The following DPH6 variants were observed in gnomAD, a reference collection of about 807,000 sequenced individuals.
The protein encoded by DPH6 is diphthine--ammonia ligase.
A neutral mutation model predicts 38.2 loss-of-function variants in DPH6; 33 were observed. The ratio of observed to expected loss-of-function variants is 0.86; its 90% CI spans 0.65 to 1.15. The LOEUF (loss-of-function observed/expected upper bound fraction) is 1.15, where lower values mean the gene tolerates loss of function less well. Ranked by LOEUF, DPH6 falls within the 50% of genes most tolerant of loss-of-function variation. DPH6 has a pLI of 0.00. For synonymous variants in DPH6, 108 were observed against 103.0 expected (o/e 1.05, Z -0.30); for missense variants, 325 against 320.0 (o/e 1.02, Z -0.12).
Position 35,355,265 on chromosome 15 carries a change from G to C in DPH6, n.207+18256C>G, listed in dbSNP as rs950644096. On this transcript the variant is annotated intron_variant and non_coding_transcript_variant, in intron 3 of 3. Transcript: ENST00000558973. ...ATTTGCCAGTCTGTGTCTTCTAATT[G>C]GAGCATTTAGCCCATTTACATTTAA... Among the ~76,000 whole-genome samples the C allele has an allele frequency of 2.0e-5, 3 of 148,834 alleles. No individual in the cohort carries two copies. In the Admixed American group the frequency reaches 2.0e-4, roughly 10 times the overall value.
chr15:35,171,388 A>G, the DPH6 span, among the ~76,000 whole-genome samples: 1 of 152,234 alleles, frequency 6.6e-6, no homozygotes, highest in African/African-American at 2.4e-5. Flanking sequence ...GTATTCCAGA[A>G]ACATTATTAG....
intron 2 of DPH6, among the ~76,000 whole-genome samples, chr15:35,542,033 C>A (rs1287352239): frequency 6.6e-6 from 1 of 152,006 alleles, no homozygotes; most frequent in African/African-American, 2.4e-5. Flanking sequence ...CTCCTTGAGG[C>A]CTGAGACTGT....
At chr15:35,231,552 C>A (rs550996453) in intron 3 of DPH6, among the ~76,000 whole-genome samples, 3 of 152,174 alleles carry the variant, frequency 2.0e-5, no homozygotes, top group African/African-American at 7.2e-5. Context: ...GTCCTTGTTG[C>A]GGGTGGACAA....
chr15:35,501,224 TTAGA>T (rs2054623228), intron 3 of DPH6, among the ~76,000 whole-genome samples: 1 of 152,194 alleles, frequency 6.6e-6, no homozygotes. Flanking sequence ...CAGAAAAACA[TTAGA>T]GACTTACTTT....
intron 3 of DPH6, among the ~76,000 whole-genome samples, chr15:35,510,676 T>TA (rs2054757500): frequency 6.6e-6 from 1 of 152,010 alleles, no homozygotes; most frequent in Non-Finnish European, 1.5e-5. Context: ...CAGCAGAAAA[T>TA]TTTTTCAACC....
chr15:35,326,622 G>A (rs1164849332), downstream of DPH6, among the ~76,000 whole-genome samples: 1 of 152,022 alleles, frequency 6.6e-6, no homozygotes, highest in African/African-American at 2.4e-5. Flanking sequence ...TTTTTGTAGA[G>A]ATAGGGTCTT....
intron 3 of DPH6, 92 bp from the exon 4 acceptor site, chr15:35,454,912 T>C: frequency 2.2e-6 from 2 of 909,072 alleles, no homozygotes; most frequent in South Asian, 1.7e-5. Context: ...CTGTGTCTCA[T>C]CTAGAAAACT....
chr15:35,246,829 T>C (rs2051640760), intron 3 of DPH6, among the ~76,000 whole-genome samples: 1 of 152,212 alleles, frequency 6.6e-6, no homozygotes, highest in African/African-American at 2.4e-5. Flanking sequence ...TTTGGCCTGG[T>C]CCATACTTTA....
At chr15:35,301,767 G>A (rs1403530631) in intron 3 of DPH6, among the ~76,000 whole-genome samples, 3 of 152,170 alleles carry the variant, frequency 2.0e-5, no homozygotes, top group Non-Finnish European at 1.5e-5. Context: ...GAGGTCAGGA[G>A]TTTGAGACCG....
the DPH6 span, among the ~76,000 whole-genome samples, chr15:35,179,163 G>A: frequency 1.6e-5 from 2 of 127,598 alleles, no homozygotes; most frequent in East Asian, 4.9e-4. Flanking sequence ...CCAAGATTGC[G>A]CCATTGCACC....
intron 3 of DPH6, among the ~76,000 whole-genome samples, chr15:35,230,120 T>C (rs1053287835): frequency 6.6e-6 from 1 of 152,210 alleles, no homozygotes; most frequent in African/African-American, 2.4e-5. Flanking sequence ...CGAGTTCCCC[T>C]AGGCCCCAGG....
At position 35,303,413 on chromosome 15, in the gene DPH6, G is replaced by A. The variant is rs1046662273; in HGVS notation, n.200+70108C>T. On this transcript the variant is annotated intron_variant and non_coding_transcript_variant, in intron 3 of 3. Transcript: ENST00000560386. ...ATTATTTAATTTCTTACCAATAGACGTTCCAATGACAAATATTACTGCTAC... is the reference window on the plus strand; with the variant it reads ...ATTATTTAATTTCTTACCAATAGACATTCCAATGACAAATATTACTGCTAC... 7.9e-5 allele frequency among the ~76,000 whole-genome samples: 12 copies of A among 151,732 alleles called. No homozygotes were observed. In the East Asian group the frequency reaches 2.1e-3, roughly 27 times the overall value.
Position 35,371,536 on chromosome 15 carries a change from T to C in DPH6, c.*614A>G. ...AACTGTTCTAAAACATAAAGTCTAT[T>C]TTTTGTAAAAGTTTTCTAAGGTCAA... is the stretch of plus-strand genomic sequence containing the variant. On this transcript the variant is annotated 3_prime_UTR_variant, in exon 9 of 9. Coordinates refer to ENST00000256538, the MANE Select transcript of DPH6 (RefSeq NM_080650.4). 1 of 960,856 alleles carries C rather than the reference T, an allele frequency of 1.0e-6. No individual in the cohort carries two copies. Among genetic ancestry groups the C allele is most frequent in the Non-Finnish European group, 1.2e-6 (1 of 807,732 alleles). The allele number at this position is 960,856 out of a possible 1,614,324, so 59.5% of individuals were successfully genotyped here.
intron 3 of DPH6, among the ~76,000 whole-genome samples, chr15:35,517,683 T>C (rs2054865909): frequency 6.6e-6 from 1 of 152,098 alleles, no homozygotes. Flanking sequence ...TATTATAATA[T>C]TACATTCAAG....
the DPH6 span, among the ~76,000 whole-genome samples, chr15:35,205,169 T>G: frequency 6.6e-6 from 1 of 152,016 alleles, no homozygotes; most frequent in African/African-American, 2.4e-5. Flanking sequence ...ACAAAATACA[T>G]GTAGAATATT....
chr15:35,455,600 G>C (rs1445720251), intron 3 of DPH6, among the ~76,000 whole-genome samples: 8 of 152,156 alleles, frequency 5.3e-5, no homozygotes, highest in Non-Finnish European at 1.2e-4. Flanking sequence ...GATTTGAAAT[G>C]ACAGGTCCAA....
intron 3 of DPH6, among the ~76,000 whole-genome samples, chr15:35,272,053 T>C (rs183402347): frequency 1.3e-5 from 2 of 152,336 alleles, no homozygotes; most frequent in East Asian, 3.9e-4. Flanking sequence ...GCAGTTCACC[T>C]TCTGTATCCA....
intron 3 of DPH6, among the ~76,000 whole-genome samples, chr15:35,467,590 C>CA (rs1439099729): frequency 6.6e-6 from 1 of 151,724 alleles, no homozygotes; most frequent in African/African-American, 2.4e-5. Flanking sequence ...ACAAAACAAA[C>CA]AAAAAAAACT....
intron 3 of DPH6, among the ~76,000 whole-genome samples, chr15:35,518,538 C>A (rs1457420738): frequency 6.6e-6 from 1 of 151,872 alleles, no homozygotes; most frequent in Non-Finnish European, 1.5e-5. Context: ...TTGCTAAATA[C>A]TGGTTTGTGG....
Sources: allele counts gnomAD v4.1 joint callset (sites outside exome capture counted in the v4.1 genomes callset), GRCh38; gene constraint gnomAD v4.1.1; transcripts MANE v1.5; gene names NCBI Gene and HGNC (gene_info 2026-07-23, HGNC 2026-07-21).